The following RANBP10 variants were observed in gnomAD, a reference collection of about 807,000 sequenced individuals.
The protein encoded by RANBP10 is ran-binding protein 10.
A neutral mutation model predicts 72.8 loss-of-function variants in RANBP10; 24 were observed. That is an observed-to-expected ratio of 0.33 (90% CI 0.24 to 0.46). The LOEUF is 0.46. RANBP10 is among the 20% of genes least tolerant of loss of function. The probability of loss-of-function intolerance (pLI) is 1.00; values close to 1 mark genes in which losing one functional copy is unlikely to be tolerated. For synonymous variants in RANBP10, 310 were observed against 322.3 expected (o/e 0.96, Z 0.41); for missense variants, 679 against 817.5 (o/e 0.83, Z 2.07).
At chr16:67,757,866 G>C (rs1030753191) in intron 3 of RANBP10, among the ~76,000 whole-genome samples, 1 of 152,126 alleles carries the variant, frequency 6.6e-6, no homozygotes, top group South Asian at 2.1e-4. Flanking sequence ...TGCCCTGGGT[G>C]CAGGGTCTTC....
chr16:67,803,608 C>T (rs1207015929), intron 2 of RANBP10, among the ~76,000 whole-genome samples: 3 of 146,918 alleles, frequency 2.0e-5, no homozygotes, highest in Admixed American at 6.8e-5. Context: ...TGAGATTGCG[C>T]CATTGCACTC....
intron 3 of RANBP10, among the ~76,000 whole-genome samples, chr16:67,760,099 C>CAA (rs56244298): frequency 1.2e-3 from 121 of 98,910 alleles, no homozygotes; most frequent in African/African-American, 3.0e-3. Context: ...GACTCCGTCT[C>CAA]AAAAAAAAAA....
rs1029014954 is a variant in RANBP10, at chr16:67,806,427, C to T, written c.110G>A (p.Arg37Gln). The change falls in exon 1 of 14, where the codon CGG (arginine) becomes CAG (glutamine). Residue 37 changes from arginine (R) to glutamine (Q), a missense_variant. Physicochemically the swap from Arg to Gln is conservative, Grantham distance 43. Coordinates refer to ENST00000317506, the MANE Select transcript of RANBP10 (RefSeq NM_020850.3). ...LPSPGEQELS[R>Q]RLQRLYPAVN... The stretch of plus-strand genomic sequence containing the variant: ...CGCGGGATACAGGCGCTGCAAGCGC[C>T]GGCTCAGCTCCTGCTCCCCAGGGGA... The T allele has an allele frequency of 4.4e-6, 7 of 1,594,654 alleles. No individual in the cohort carries two copies. Among genetic ancestry groups the T allele is most frequent in the South Asian group, 2.2e-5 (2 of 89,030 alleles).
Position 67,794,930 on chromosome 16 carries a change from T to TAAA in RANBP10, c.347+10495_347+10497dup, listed in dbSNP as rs1239858200. Among the ~76,000 whole-genome samples the TAAA allele has an allele frequency of 3.5e-3, 188 of 54,242 alleles. 4 individuals are homozygous for TAAA. Among genetic ancestry groups the TAAA allele is most frequent in the African/African-American group, 9.7e-3 (160 of 16,520 alleles). 35.6% of individuals were successfully genotyped at this position (54,242 alleles called of 152,430 possible). On this transcript the variant is annotated intron_variant, in intron 2 of 13. Coordinates refer to ENST00000317506, the MANE Select transcript of RANBP10 (RefSeq NM_020850.3). ...ACAAGAGTGAGACCCTGCCTCAAAT[T>TAAA]AAAAAAAAAAAAAAACAAAAAAAAA... is the stretch of plus-strand genomic sequence containing the variant.
chr16:67,786,957 G>A (rs990190498), intron 2 of RANBP10, among the ~76,000 whole-genome samples: 6 of 151,624 alleles, frequency 4.0e-5, no homozygotes, highest in African/African-American at 1.2e-4. Flanking sequence ...AGAATAAATA[G>A]GCCAGGCATG....
intron 2 of RANBP10, among the ~76,000 whole-genome samples, chr16:67,780,126 T>C (rs2054783624): frequency 6.6e-6 from 1 of 151,818 alleles, no homozygotes; most frequent in Non-Finnish European, 1.5e-5. Context: ...CAGCTACTCG[T>C]GAGGCTGAGG....
chr16:67,731,367 C>T (rs1011221803), intron 7 of RANBP10, 105 bp downstream of exon 7: 2 of 922,348 alleles, frequency 2.2e-6, no homozygotes, highest in African/African-American at 3.3e-5. Context: ...TCATGAGGAC[C>T]AGAGCTGAAT....
At chr16:67,771,334 A>G (rs756698678) in intron 3 of RANBP10, among the ~76,000 whole-genome samples, 5 of 151,748 alleles carry the variant, frequency 3.3e-5, no homozygotes, top group Non-Finnish European at 5.9e-5. Context: ...AAAAACTTTG[A>G]TCTTTTTTAT....
chr16:67,783,412 C>A (rs115103868), intron 2 of RANBP10, among the ~76,000 whole-genome samples: 1 of 152,144 alleles, frequency 6.6e-6, no homozygotes, highest in African/African-American at 2.4e-5. Context: ...CAGAGAACCC[C>A]TTTGGCAACA....
At chr16:67,759,525 G>A (rs1206875052) in intron 3 of RANBP10, 1 of 152,206 alleles carries the variant, frequency 6.6e-6, no homozygotes, top group African/African-American at 2.4e-5. Context: ...CTTGTTCCCA[G>A]AAGGAGTGAC....
At chr16:67,775,270 C>T (rs2054681185) in intron 2 of RANBP10, among the ~76,000 whole-genome samples, 1 of 151,978 alleles carries the variant, frequency 6.6e-6, no homozygotes, top group African/African-American at 2.4e-5. Context: ...AAGATCAGGC[C>T]ACTGCATTCC....
intron 3 of RANBP10, among the ~76,000 whole-genome samples, chr16:67,765,324 C>T (rs931426179): frequency 8.6e-5 from 13 of 150,938 alleles, no homozygotes; most frequent in African/African-American, 1.5e-4. Flanking sequence ...GCTGGGAGTT[C>T]GAGACCAGCC....
intron 3 of RANBP10, among the ~76,000 whole-genome samples, chr16:67,767,745 C>T (rs1341480804): frequency 6.6e-6 from 1 of 152,002 alleles, no homozygotes; most frequent in African/African-American, 2.4e-5. Context: ...TACAGGCGCC[C>T]ACCACCGCGC....
chr16:67,751,980 T>G (rs79036365), intron 3 of RANBP10, among the ~76,000 whole-genome samples: 3 of 150,944 alleles, frequency 2.0e-5, no homozygotes. Context: ...AAGAGCTCAA[T>G]TAAAAAAAAA....
In RANBP10 at chr16:67,724,121, C is replaced by G. The variant is rs1428066263; in HGVS notation, c.*2307G>C. The G allele has an allele frequency of 6.6e-6, 1 of 152,608 alleles. No individual in the cohort carries two copies. Among genetic ancestry groups the G allele is most frequent in the Non-Finnish European group, 1.5e-5 (1 of 68,230 alleles). The allele number at this position is 152,608 out of a possible 1,614,324, so 9.5% of individuals were successfully genotyped here. A position where few individuals can be genotyped will look rare whatever the true frequency, so the allele number is the denominator to read the frequency against. On this transcript the variant is annotated 3_prime_UTR_variant, in exon 14 of 14. Transcript: ENST00000317506. ...CAGCTGTCCCGAGCCCTCCTGGGCC[C>G]TCTCAGCCACTCCACAACCTAAGCT...
intron 2 of RANBP10, among the ~76,000 whole-genome samples, chr16:67,784,156 G>A (rs972646599): frequency 1.3e-5 from 2 of 152,046 alleles, no homozygotes; most frequent in Non-Finnish European, 2.9e-5. Flanking sequence ...ATCCAACAGT[G>A]TATTAAAAGG....
At chr16:67,781,702 A>C (rs1011290458) in intron 2 of RANBP10, among the ~76,000 whole-genome samples, 1 of 152,216 alleles carries the variant, frequency 6.6e-6, no homozygotes, top group African/African-American at 2.4e-5. Flanking sequence ...GTAACTTCTC[A>C]GTTCCTACCG....
chr16:67,779,232 CA>C (rs2054768092), intron 2 of RANBP10, among the ~76,000 whole-genome samples: 1 of 151,812 alleles, frequency 6.6e-6, no homozygotes, highest in Non-Finnish European at 1.5e-5. Context: ...CTGTTTCCAC[CA>C]AAAATACAAA....
At chr16:67,802,454 A>G (rs1164301957) in intron 2 of RANBP10, among the ~76,000 whole-genome samples, 2 of 152,206 alleles carry the variant, frequency 1.3e-5, no homozygotes, top group Non-Finnish European at 2.9e-5. Context: ...CCTGGCCAAC[A>G]TGGCGAAACC....
Sources: allele counts gnomAD v4.1 joint callset (sites outside exome capture counted in the v4.1 genomes callset), GRCh38; gene constraint gnomAD v4.1.1; transcripts MANE v1.5; gene names NCBI Gene and HGNC (gene_info 2026-07-23, HGNC 2026-07-21).